Variants in HAPLN4 observed in about 807,000 individuals in gnomAD.
The protein encoded by HAPLN4 is hyaluronan and proteoglycan link protein 4, also known as brain link protein 2.
In HAPLN4, 19 loss-of-function variants were observed where a neutral mutation model predicts 28.0. That is an observed-to-expected ratio of 0.68 (90% CI 0.47 to 1.00). The LOEUF is 1.00. Among genes scored for constraint, HAPLN4 ranks in the 50% least tolerant of loss-of-function variants. The pLI is 0.00. For synonymous variants in HAPLN4, 274 were observed against 273.0 expected (o/e 1.00, Z -0.03); for missense variants, 587 against 602.6 (o/e 0.97, Z 0.27).
chr19:19,259,698 C>T (rs954751404), intron 3 of HAPLN4, among the ~76,000 whole-genome samples: 6 of 152,130 alleles, frequency 3.9e-5, no homozygotes, highest in African/African-American at 1.4e-4. Context: ...AAGCACCTGC[C>T]ACAGAAAATG....
Position 19,257,945 on chromosome 19 carries a change from C to G in HAPLN4, c.1081G>C (p.Val361Leu). 1 of 1,515,354 alleles carries G rather than the reference C, an allele frequency of 6.6e-7. No homozygotes were observed. The highest frequency in any genetic ancestry group is 8.8e-7 in the Non-Finnish European group (1 of 1,138,958). The allele number at this position is 1,515,354 out of a possible 1,614,324, so 93.9% of individuals were successfully genotyped here. Residue 361 changes from valine (V) to leucine (L), a missense_variant, in exon 5 of 5, where the codon GTC becomes CTC. Physicochemically the swap from Val to Leu is conservative, Grantham distance 32 (BLOSUM62 1). Coordinates refer to ENST00000291481, the MANE Select transcript of HAPLN4 (RefSeq NM_023002.3). Reference protein sequence around the residue: ...FPDATRRLFGVYCYRAPGAPD... With the variant: ...FPDATRRLFGLYCYRAPGAPD... The stretch of plus-strand genomic sequence containing the variant: ...GCTCCTGGAGCGCGGTAGCAGTAGA[C>G]GCCGAAGAGCCGTCGGGTGGCGTCC...
rs753172043 is a variant in HAPLN4, at chr19:19,258,064, C to T, written c.962G>A (p.Gly321Asp). 1 of 1,553,184 alleles carries T rather than the reference C, an allele frequency of 6.4e-7. No homozygotes were observed. Residue 321 changes from glycine to aspartate, a missense_variant, in exon 5 of 5, where the codon GGT becomes GAT. By Grantham distance (94) the Gly-to-Asp change is moderately conservative (BLOSUM62 -1). Transcript: ENST00000291481. This position sits in a 1 kb window ranked among gnomAD's most constrained non-coding sequence, Gnocchi z 6.2. ...GCGCGCACTGCCATCGGCCAGCCAA[C>T]CCGCGGTGCAGCGGTCTAGCAGCTG... ...KLQLLDRCTA[G>D]WLADGSARYP...
In HAPLN4 at chr19:19,258,657, TC is replaced by T; in HGVS notation, c.682del (p.Glu228SerfsTer51). On this transcript the variant is annotated frameshift_variant, in exon 4 of 5. Coordinates refer to ENST00000291481, the MANE Select transcript of HAPLN4 (RefSeq NM_023002.3). LOFTEE classifies it high-confidence loss of function. The surrounding 1 kb of genome is among the most constrained non-coding windows in gnomAD (Gnocchi z 6.2). ...SVQYPVNRPR[E>X]PCGGLGGTGS... ...GGTCCCCCCCAGGCCGCCGCAGGGC[TC>T]CCGGGGCCGGTTCACGGGGTATTGC... is the stretch of plus-strand genomic sequence containing the variant. 1 of 1,610,690 alleles carries T rather than the reference TC, an allele frequency of 6.2e-7. No homozygotes were observed. Among genetic ancestry groups the T allele is most frequent in the Non-Finnish European group, 8.5e-7 (1 of 1,178,606 alleles).
chr19:19,261,313 G>C (rs555162456), intron 2 of HAPLN4, 133 bp downstream of exon 2: 1 of 1,243,318 alleles, frequency 8.0e-7, no homozygotes, highest in African/African-American at 1.5e-5. Context: ...GGCTCAGGGA[G>C]AGGGCGAGGG....
rs888637320 is a variant in HAPLN4 at position 19,257,594 on chromosome 19, C to A, written c.*223G>T. The A allele has an allele frequency of 1.6e-5, 7 of 437,780 alleles. No individual in the cohort carries two copies. Among genetic ancestry groups the A allele is most frequent in the African/African-American group, 1.4e-4 (7 of 48,802 alleles). 27.1% of individuals were successfully genotyped at this position (437,780 alleles called of 1,614,324 possible). On this transcript the variant is annotated 3_prime_UTR_variant, in exon 5 of 5. Transcript: ENST00000291481. ...AGAAAGTTGGGGAGTTGGGGGAATCCTCTATCCAGAAGAGGTGAGGGCTGG... is the reference window on the plus strand; with the variant it reads ...AGAAAGTTGGGGAGTTGGGGGAATCATCTATCCAGAAGAGGTGAGGGCTGG...
Position 19,257,711 on chromosome 19 carries a change from G to T in HAPLN4, c.*106C>A. 1 of 1,267,786 alleles carries T rather than the reference G, an allele frequency of 7.9e-7. No homozygotes were observed. The highest frequency in any genetic ancestry group is 2.3e-5 in the South Asian group (1 of 42,576). The allele number at this position is 1,267,786 out of a possible 1,614,324, so 78.5% of individuals were successfully genotyped here. ...CACAGTTAGTTTGTAAGGGACCACA[G>T]GGAATGTGGCCAGTGTCCAGGGCTT... On this transcript the variant is annotated 3_prime_UTR_variant, in exon 5 of 5. Coordinates refer to ENST00000291481, the MANE Select transcript of HAPLN4 (RefSeq NM_023002.3).
At position 19,261,405 on chromosome 19, in the gene HAPLN4, G is replaced by T. The variant is rs774921509; in HGVS notation, c.121+41C>A. 18 of 1,556,732 alleles carry T rather than the reference G, an allele frequency of 1.2e-5. 1 individual carries two copies. In the South Asian group the frequency reaches 2.0e-4, roughly 17 times the overall value. ...CCCCTCTCCGCACTTGGCCACTTCT[G>T]CTTTTCGCGGAGAAGACCACTTTTA... On this transcript the variant is annotated intron_variant, in intron 2 of 4. Coordinates refer to ENST00000291481, the MANE Select transcript of HAPLN4 (RefSeq NM_023002.3).
rs2060968513 is a variant in HAPLN4 at position 19,257,338 on chromosome 19, G to C, written c.*479C>G. 6.5e-6 allele frequency: 1 copy of C among 154,922 alleles called. No individual in the cohort carries two copies. Among genetic ancestry groups the C allele is most frequent in the African/African-American group, 2.4e-5 (1 of 41,552 alleles). The allele number at this position is 154,922 out of a possible 1,614,324, so 9.6% of individuals were successfully genotyped here. A position where few individuals can be genotyped will look rare whatever the true frequency, so the allele number is the denominator to read the frequency against. ...TAGTCTCTCCAGGTGAGGAGGAGGG[G>C]GAGGAGGAGGCGCCCAGTGTCCCAC... On this transcript the variant is annotated 3_prime_UTR_variant, in exon 5 of 5. Coordinates refer to ENST00000291481, the MANE Select transcript of HAPLN4 (RefSeq NM_023002.3).
chr19:19,259,223 G>A (rs2060976265), intron 3 of HAPLN4, among the ~76,000 whole-genome samples: 2 of 152,096 alleles, frequency 1.3e-5, no homozygotes, highest in Admixed American at 6.5e-5. Flanking sequence ...CGCCAGTACT[G>A]GGTCCCTCCC....
rs1216293954 is a variant in HAPLN4 at position 19,258,917 on chromosome 19, T to G, written c.485-62A>C. The G allele has an allele frequency of 1.5e-6, 2 of 1,332,194 alleles. No homozygotes were observed. The highest frequency in any genetic ancestry group is 3.0e-5 in the African/African-American group (2 of 67,614). 82.5% of individuals were successfully genotyped at this position (1,332,194 alleles called of 1,614,324 possible). On this transcript the variant is annotated intron_variant, in intron 3 of 4. Transcript: ENST00000291481. The surrounding 1 kb of genome is among the most constrained non-coding windows in gnomAD (Gnocchi z 6.2). ...AGCCCACCCTCATGCACCTGACGTC[T>G]GGGGTGCTATGTGACTCTTCAACCG...
Position 19,258,952 on chromosome 19 carries a change from A to G in HAPLN4, c.485-97T>C. On this transcript the variant is annotated intron_variant, in intron 3 of 4. Coordinates refer to ENST00000291481, the MANE Select transcript of HAPLN4 (RefSeq NM_023002.3). The surrounding 1 kb of genome is among the most constrained non-coding windows in gnomAD (Gnocchi z 6.2). Reference sequence around the variant, plus strand: ...TGTGACTCTTCAACCGGGACCTTTCAGTCCATTCCTCCTCACTCTGGCCTC... The same window carrying G: ...TGTGACTCTTCAACCGGGACCTTTCGGTCCATTCCTCCTCACTCTGGCCTC... The G allele has an allele frequency of 1.0e-6, 1 of 994,716 alleles. No homozygotes were observed. The highest frequency in any genetic ancestry group is 1.4e-6 in the Non-Finnish European group (1 of 698,804). The allele number at this position is 994,716 out of a possible 1,614,324, so 61.6% of individuals were successfully genotyped here. A position where few individuals can be genotyped will look rare whatever the true frequency, so the allele number is the denominator to read the frequency against.
In HAPLN4 at chr19:19,258,131, C is replaced by T. The variant is rs34387762; in HGVS notation, c.895G>A (p.Ala299Thr). Reference protein sequence around the residue: ...AARACAARGAAVAKVGQLFAA... With the variant: ...AARACAARGATVAKVGQLFAA... ...AACAGCTGCCCCACCTTGGCCACGG[C>T]CGCGCCACGCGCAGCACACGCGCGC... The change falls in exon 5 of 5, where the codon GCC (alanine) becomes ACC (threonine). Residue 299 changes from alanine to threonine, a missense_variant. Physicochemically the swap from Ala to Thr is moderately conservative, Grantham distance 58 (BLOSUM62 0). Coordinates refer to ENST00000291481, the MANE Select transcript of HAPLN4 (RefSeq NM_023002.3). This position sits in a 1 kb window ranked among gnomAD's most constrained non-coding sequence, Gnocchi z 6.2. 2 of 1,550,664 alleles carry T rather than the reference C, an allele frequency of 1.3e-6. No individual in the cohort carries two copies. The highest frequency in any genetic ancestry group is 1.2e-5 in the South Asian group (1 of 85,218).
intron 3 of HAPLN4, among the ~76,000 whole-genome samples, chr19:19,259,062 C>T (rs545120414): frequency 6.6e-6 from 1 of 152,296 alleles, no homozygotes; most frequent in South Asian, 2.1e-4. Flanking sequence ...GACCCTCCCC[C>T]TTAACATACT....
chr19:19,261,504 C>T lies in HAPLN4; in HGVS notation c.63G>A (p.Leu21=). 6.2e-7 allele frequency: 1 copy of T among 1,611,026 alleles called. No individual in the cohort carries two copies. Among genetic ancestry groups the T allele is most frequent in the Non-Finnish European group, 8.5e-7 (1 of 1,179,276 alleles). The part of the protein sequence containing the change: ...GALWAAAWGV[L]LLTAPAGAQR... ...GCGCCCCCGCAGGGGCTGTGAGCAG[C>T]AGGACGCCCCAGGCCGCGGCCCAGA... The change falls in exon 2 of 5, where the codon CTG becomes CTA. Residue 21 remains leucine (L), a synonymous_variant. Coordinates refer to ENST00000291481, the MANE Select transcript of HAPLN4 (RefSeq NM_023002.3).
chr19:19,262,675 A>C (rs1762427428), intron 1 of HAPLN4, 55 bp downstream of exon 1: 1 of 1,595,404 alleles, frequency 6.3e-7, no homozygotes, highest in African/African-American at 1.3e-5. Context: ...AGAGATATAG[A>C]ATCCAAGATT....
Position 19,255,491 on chromosome 19 carries a change from G to T in HAPLN4, c.*2326C>A, listed in dbSNP as rs2060962811. 1 of 152,188 alleles carries T rather than the reference G, an allele frequency of 6.6e-6. No homozygotes were observed. The highest frequency in any genetic ancestry group is 2.1e-4 in the South Asian group (1 of 4,832). The allele number at this position is 152,188 out of a possible 1,614,324, so 9.4% of individuals were successfully genotyped here. On this transcript the variant is annotated 3_prime_UTR_variant, in exon 5 of 5. Transcript: ENST00000291481. ...ACCCGGGAGGCAGAGGTTGCAGTGAGCCAAGATTGCACGACTGCACTCCAG... is the reference window on the plus strand; with the variant it reads ...ACCCGGGAGGCAGAGGTTGCAGTGATCCAAGATTGCACGACTGCACTCCAG...
chr19:19,257,803 C>G lies in HAPLN4; in HGVS notation c.*14G>C. On this transcript the variant is annotated 3_prime_UTR_variant, in exon 5 of 5. Transcript: ENST00000291481. ...CCAGTGGTCAAGCGCCCTGGCTGTC[C>G]GCCTACTCCCAGCCTAGACGTGCAG... is the stretch of plus-strand genomic sequence containing the variant. 7.2e-7 allele frequency: 1 copy of G among 1,392,602 alleles called. No homozygotes were observed. Among genetic ancestry groups the G allele is most frequent in the Non-Finnish European group, 9.3e-7 (1 of 1,080,852 alleles). 86.3% of individuals were successfully genotyped at this position (1,392,602 alleles called of 1,614,324 possible).
chr19:19,261,566 G>C lies in HAPLN4; in HGVS notation c.4-3C>G, dbSNP rs766762055. 10 of 1,481,606 alleles carry C rather than the reference G, an allele frequency of 6.7e-6. No individual in the cohort carries two copies. The highest frequency in any genetic ancestry group is 2.7e-5 in the Admixed American group (1 of 37,052). 91.8% of individuals were successfully genotyped at this position (1,481,606 alleles called of 1,614,324 possible). ...CCGAGGGCCGCCCGAGCGCACACCT[G>C]GGGGGCGGGCACGGGGCGCTCAGTC... On this transcript the variant is annotated splice_polypyrimidine_tract_variant and splice_region_variant and intron_variant, in intron 1 of 4. Coordinates refer to ENST00000291481, the MANE Select transcript of HAPLN4 (RefSeq NM_023002.3).
chr19:19,260,982 C>A lies in HAPLN4; in HGVS notation c.315G>T (p.Gln105His), dbSNP rs2060981004. 2 of 1,613,780 alleles carry A rather than the reference C, an allele frequency of 1.2e-6. No homozygotes were observed. The highest frequency in any genetic ancestry group is 1.7e-6 in the Non-Finnish European group (2 of 1,179,984). ...FTDVFVALGP[Q>H]HRAFGSYRGR... Reference sequence around the variant, plus strand: ...CACGGTAGCTGCCGAATGCCCGGTGCTGGGGGCCTAGTGCCACGAAGACGT... The same window carrying A: ...CACGGTAGCTGCCGAATGCCCGGTGATGGGGGCCTAGTGCCACGAAGACGT... The change falls in exon 3 of 5, where the codon CAG (glutamine) becomes CAT (histidine). Residue 105 changes from glutamine (Q) to histidine (H), a missense_variant. Coordinates refer to ENST00000291481, the MANE Select transcript of HAPLN4 (RefSeq NM_023002.3).
Sources: gnomAD v4.1 joint callset for allele counts (sites outside exome capture counted in the v4.1 genomes callset) on GRCh38, gnomAD v4.1.1 for gene constraint, Gnocchi (gnomAD v3.1) non-coding constraint, MANE v1.5 for transcripts, NCBI Gene and HGNC (gene_info 2026-07-23, HGNC 2026-07-21) for gene names.